SATL1: variants seen among roughly 807,000 people sequenced by gnomAD.
SATL1 encodes spermidine/spermine N(1)-acetyltransferase-like protein 1.
Under a neutral mutation model 51.8 loss-of-function variants are expected in SATL1, and 47 were observed. That is an observed-to-expected ratio of 0.91 (90% CI 0.72 to 1.16). The LOEUF is 1.16. Among genes scored for constraint, SATL1 ranks in the 50% most tolerant of loss-of-function variants. The pLI, the probability that SATL1 is intolerant of heterozygous loss-of-function variation, is 0.00. For missense variants in SATL1, 520 were observed against 526.4 expected, an observed-to-expected ratio of 0.99 and a Z score of 0.12; for synonymous variants, 176 against 182.4, an observed-to-expected ratio of 0.97 and a Z score of 0.28.
rs758746430 is a variant in SATL1, at chrX:85,110,465, T to C, written c.-312-1185A>G. Among the ~76,000 whole-genome samples, 39 of 112,297 alleles carry C rather than the reference T, an allele frequency of 3.5e-4. 1 individual carries two copies. The highest frequency in any genetic ancestry group is 1.9e-4 in the Admixed American group (2 of 10,590). On this transcript the variant is annotated intron_variant, in intron 2 of 7. Transcript: ENST00000644105. ...TACCAGAGAACTTTGGATGAGGCTG[T>C]TCTAAGTCTCACGCTGTGATAAGGG... is the stretch of plus-strand genomic sequence containing the variant.
At chrX:85,183,961 G>T (rs1452087094) in intron 2 of SATL1, among the ~76,000 whole-genome samples, 1 of 110,709 alleles carries the variant, frequency 9.0e-6, no homozygotes, top group African/African-American at 3.3e-5. Context: ...CCAGGCTCCA[G>T]TAACCGTCAT....
chrX:85,161,050 T>A (rs1370278477), intron 2 of SATL1, among the ~76,000 whole-genome samples: 4 of 112,050 alleles, frequency 3.6e-5, no homozygotes, highest in Middle Eastern at 4.6e-3. Flanking sequence ...AAAAATCTCA[T>A]ATACGGCCAA....
chrX:85,224,759 A>C (rs1262943632), intron 1 of SATL1, among the ~76,000 whole-genome samples: 1 of 88,951 alleles, frequency 1.1e-5, no homozygotes, highest in African/African-American at 5.1e-5. Context: ...TCCACTCATG[A>C]GTATATATCA....
chrX:85,094,907 T>A lies in SATL1; in HGVS notation c.1774+9A>T. On this transcript the variant is annotated intron_variant, in intron 5 of 7. Transcript: ENST00000644105. ...CCAGATTGAACTGGAGAAGAAAGGT[T>A]TACTCTACCTGATGGTTTTTGTTGA... 8.9e-7 allele frequency: 1 copy of A among 1,122,191 alleles called. No individual in the cohort carries two copies. The highest frequency in any genetic ancestry group is 1.2e-6 in the Non-Finnish European group (1 of 817,586). 92.5% of individuals were successfully genotyped at this position (1,122,191 alleles called of 1,213,427 possible). A position where few individuals can be genotyped will look rare whatever the true frequency, so the allele number is the denominator to read the frequency against.
chrX:85,110,243 C>A (rs1464039499), intron 2 of SATL1, among the ~76,000 whole-genome samples: 3 of 110,986 alleles, frequency 2.7e-5, no homozygotes, highest in Non-Finnish European at 5.7e-5. Flanking sequence ...TATTATTATT[C>A]GGTCCAGCCT....
intron 2 of SATL1, among the ~76,000 whole-genome samples, chrX:85,190,084 C>T: frequency 8.9e-6 from 1 of 111,782 alleles, no homozygotes; most frequent in South Asian, 3.7e-4. Flanking sequence ...ATGGTTATAA[C>T]ACAGCTACAT....
At chrX:85,232,332 G>A (rs1013442003) in intron 1 of SATL1, among the ~76,000 whole-genome samples, 3 of 111,021 alleles carry the variant, frequency 2.7e-5, no homozygotes, top group Non-Finnish European at 5.7e-5. Context: ...GGCTTAAGGT[G>A]GCGAGTGCTG....
chrX:85,114,401 G>A (rs1032436711), intron 2 of SATL1, among the ~76,000 whole-genome samples: 4 of 111,233 alleles, frequency 3.6e-5, no homozygotes, highest in African/African-American at 9.8e-5. Flanking sequence ...ATTCATGAAC[G>A]TTTTAGCTCT....
At chrX:85,122,455 C>T (rs778990374) in intron 2 of SATL1, among the ~76,000 whole-genome samples, 2 of 111,232 alleles carry the variant, frequency 1.8e-5, no homozygotes, top group African/African-American at 6.5e-5. Context: ...GAATCACATT[C>T]TGTCATACTA....
chrX:85,204,016 T>C (rs1454529832), intron 2 of SATL1, among the ~76,000 whole-genome samples: 1 of 112,322 alleles, frequency 8.9e-6, no homozygotes, highest in Non-Finnish European at 1.9e-5. Flanking sequence ...AAGGCCTCCA[T>C]GCATGCCCGA....
chrX:85,173,161 A>G (rs957658930), intron 2 of SATL1, among the ~76,000 whole-genome samples: 2 of 111,394 alleles, frequency 1.8e-5, no homozygotes, highest in African/African-American at 6.5e-5. Flanking sequence ...GTCTTTGAGC[A>G]GGAGCCTCTT....
intron 2 of SATL1, among the ~76,000 whole-genome samples, chrX:85,180,259 T>A (rs952257866): frequency 4.5e-5 from 5 of 111,336 alleles, no homozygotes; most frequent in African/African-American, 1.6e-4. Flanking sequence ...CTCTTCAGTA[T>A]TCCTTCCCTC....
intron 2 of SATL1, among the ~76,000 whole-genome samples, chrX:85,153,406 G>A (rs779637916): frequency 3.7e-4 from 41 of 111,493 alleles, no homozygotes; most frequent in South Asian, 1.1e-3. Flanking sequence ...GGTATAAGCC[G>A]TAGGCAAAAT....
intron 2 of SATL1, among the ~76,000 whole-genome samples, chrX:85,148,904 C>T (rs1398559313): frequency 9.0e-6 from 1 of 110,880 alleles, no homozygotes; most frequent in East Asian, 2.8e-4. Context: ...GAAACTGCAT[C>T]AACTAACGAG....
intron 2 of SATL1, chrX:85,211,446 A>C (rs1269393014): frequency 9.0e-6 from 1 of 111,444 alleles, no homozygotes; most frequent in African/African-American, 3.3e-5. Context: ...AGTCTTTATC[A>C]GTTGATTTGT....
chrX:85,149,902 G>T (rs1294524132), intron 2 of SATL1, among the ~76,000 whole-genome samples: 1 of 111,699 alleles, frequency 9.0e-6, no homozygotes, highest in African/African-American at 3.3e-5. Flanking sequence ...ACAATTAAAA[G>T]AACTAGAAAA....
intron 2 of SATL1, chrX:85,156,293 T>C (rs964712460): frequency 9.0e-6 from 1 of 111,639 alleles, no homozygotes; most frequent in African/African-American, 3.3e-5. Context: ...CTCTATCCTA[T>C]GTCGTTGTTG....
At chrX:85,118,405 A>C (rs1925433963) in intron 2 of SATL1, 1 of 110,227 alleles carries the variant, frequency 9.1e-6, no homozygotes, top group African/African-American at 3.3e-5. Flanking sequence ...AGGAGCCTGG[A>C]CTGAGTCATG....
chrX:85,150,479 T>C (rs1490843506), intron 2 of SATL1, among the ~76,000 whole-genome samples: 56 of 106,581 alleles, frequency 5.3e-4, no homozygotes, highest in African/African-American at 1.6e-3. Context: ...GCCAGCATCA[T>C]CCTGATACCA....
Sources: allele counts gnomAD v4.1 joint callset (sites outside exome capture counted in the v4.1 genomes callset), GRCh38; gene constraint gnomAD v4.1.1; transcripts MANE v1.5; gene names NCBI Gene and HGNC (gene_info 2026-07-23, HGNC 2026-07-21).